The following SATB1 variants were observed in gnomAD, a reference collection of about 807,000 sequenced individuals.
SATB1 encodes DNA-binding protein SATB1.
SATB1 carries 11 observed loss-of-function variants against 86.9 expected under a neutral mutation model. The ratio of observed to expected loss-of-function variants is 0.13; its 90% confidence interval spans 0.08 to 0.21. The LOEUF (loss-of-function observed/expected upper bound fraction) is 0.21. Ranked by LOEUF, SATB1 falls within the 10% of genes least tolerant of loss-of-function variation. The pLI is 1.00. For synonymous variants in SATB1, 357 were observed against 357.2 expected (o/e 1.00, Z 0.01); for missense variants, 551 against 937.6 (o/e 0.59, Z 5.39).
At chr3:18,422,987 C>A (rs1180238919) in intron 1 of SATB1, among the ~76,000 whole-genome samples, 11 of 152,188 alleles carry the variant, frequency 7.2e-5, no homozygotes, top group African/African-American at 2.4e-4. Flanking sequence ...AACACTAAGT[C>A]GTGGTGTAAA....
rs1698535800 is a variant in SATB1, at chr3:18,424,123, A to C, written c.-521T>G. 6.8e-6 allele frequency: 1 copy of C among 146,114 alleles called. No homozygotes were observed. The highest frequency in any genetic ancestry group is 1.5e-5 in the Non-Finnish European group (1 of 66,228). 9.1% of individuals were successfully genotyped at this position (146,114 alleles called of 1,614,324 possible). On this transcript the variant is annotated 5_prime_UTR_variant, in exon 1 of 11. Transcript: ENST00000338745. ...GACGTGGTGACTGAGGATTCTCTTA[A>C]AAAAAAAAAAATCACTGCGGACAAG...
intron 9 of SATB1, among the ~76,000 whole-genome samples, chr3:18,369,173 A>G (rs974886655): frequency 6.7e-5 from 10 of 148,870 alleles, no homozygotes; most frequent in African/African-American, 2.0e-4. Flanking sequence ...AAAAAAAAAA[A>G]AAAGAAAGAA....
rs1292238716 is a variant in SATB1, at chr3:18,386,731, C to T, written c.1207-120G>A. On this transcript the variant is annotated intron_variant, in intron 7 of 10. Coordinates refer to ENST00000338745, the MANE Select transcript of SATB1 (RefSeq NM_002971.6). This position sits in a 1 kb window ranked among gnomAD's most constrained non-coding sequence, Gnocchi z 4.5. ...TGAACAGTCAGAGGCATTAATTCTG[C>T]ATAGGAATATATTAGTTACAACTGA... The T allele has an allele frequency of 4.1e-6, 3 of 727,576 alleles. No homozygotes were observed. Among genetic ancestry groups the T allele is most frequent in the Non-Finnish European group, 6.9e-6 (3 of 432,268 alleles). 45.1% of individuals were successfully genotyped at this position (727,576 alleles called of 1,614,324 possible). A position where few individuals can be genotyped will look rare whatever the true frequency, so the allele number is the denominator to read the frequency against.
intron 9 of SATB1, 57 bp downstream of exon 9, chr3:18,378,113 T>C: frequency 6.9e-7 from 1 of 1,440,842 alleles, no homozygotes; most frequent in African/African-American, 1.5e-5. Flanking sequence ...CTCCTTTTAA[T>C]GAAAATTCTA....
chr3:18,357,109 A>G (rs1025837288), intron 9 of SATB1, among the ~76,000 whole-genome samples: 3 of 151,880 alleles, frequency 2.0e-5, no homozygotes, highest in African/African-American at 7.2e-5. Flanking sequence ...TTTGAGTTCT[A>G]AAAAGCAAAA....
At chr3:18,422,011 T>C (rs913627505) in intron 1 of SATB1, among the ~76,000 whole-genome samples, 1 of 152,264 alleles carries the variant, frequency 6.6e-6, no homozygotes, top group South Asian at 2.1e-4. Flanking sequence ...TTTCCCATCA[T>C]TTATAGTAAA....
chr3:18,389,176 T>C (rs377040949), intron 7 of SATB1, among the ~76,000 whole-genome samples: 2 of 151,522 alleles, frequency 1.3e-5, no homozygotes, highest in African/African-American at 4.9e-5. Flanking sequence ...GTTGATGGTA[T>C]AAAGTGATGT....
At chr3:18,385,256 T>C (rs1464261023) in intron 8 of SATB1, among the ~76,000 whole-genome samples, 1 of 152,208 alleles carries the variant, frequency 6.6e-6, no homozygotes, top group Admixed American at 6.5e-5. Context: ...TTTTCTTCCA[T>C]GTTCAATTTT....
At chr3:18,370,887 G>C (rs954235709) in intron 9 of SATB1, among the ~76,000 whole-genome samples, 4 of 152,198 alleles carry the variant, frequency 2.6e-5, no homozygotes, top group African/African-American at 2.4e-5. Context: ...GTCGATACTC[G>C]ACAGTTCAGC....
At chr3:18,378,363 G>A (rs374277340) in intron 8 of SATB1, 38 bp from the exon 9 acceptor site, 5 of 1,602,936 alleles carry the variant, frequency 3.1e-6, no homozygotes, top group Non-Finnish European at 3.4e-6. Flanking sequence ...ATTTTTCATT[G>A]GCTGAATTGT....
At chr3:18,416,498 T>C (rs554809050) in intron 3 of SATB1, among the ~76,000 whole-genome samples, 7 of 152,224 alleles carry the variant, frequency 4.6e-5, no homozygotes, top group East Asian at 3.9e-4. Context: ...GGAATCAGCA[T>C]TGAAAAATAC....
rs1344385073 is a variant in SATB1, at chr3:18,386,543, G to A, written c.1275C>T (p.Asn425=). ...GCAAGAAATTCTGCATAGCCCGAAG[G>A]TTTACCAGCAAAGACTGGGATGCAG... The part of the protein sequence containing the change: ...PKTASQSLLV[N]LRAMQNFLQL... Residue 425 remains asparagine, a synonymous_variant, in exon 8 of 11, where the codon AAC becomes AAT. Coordinates refer to ENST00000338745, the MANE Select transcript of SATB1 (RefSeq NM_002971.6). The surrounding 1 kb of genome is among the most constrained non-coding windows in gnomAD (Gnocchi z 4.5). 5 of 1,614,096 alleles carry A rather than the reference G, an allele frequency of 3.1e-6. No homozygotes were observed. The highest frequency in any genetic ancestry group is 2.2e-5 in the East Asian group (1 of 44,864).
In SATB1 at chr3:18,374,011, G is replaced by A. The variant is rs186628920; in HGVS notation, c.1575+4159C>T. On this transcript the variant is annotated intron_variant, in intron 9 of 10. Coordinates refer to ENST00000338745, the MANE Select transcript of SATB1 (RefSeq NM_002971.6). ...AAATACATTGTTCAATAAAACACTA[G>A]AGGAAATTATTTTCTAAGCACAAGT... 2.0e-5 allele frequency among the ~76,000 whole-genome samples: 3 copies of A among 152,240 alleles called. No individual in the cohort carries two copies. The East Asian group carries it at 5.8e-4, about 29-fold the overall frequency.
chr3:18,418,582 C>T (rs1347854033), intron 2 of SATB1, among the ~76,000 whole-genome samples: 6 of 152,160 alleles, frequency 3.9e-5, no homozygotes, highest in Non-Finnish European at 1.5e-5. Context: ...GATCAGAAGA[C>T]AACTTGGGGA....
chr3:18,386,559 T>G lies in SATB1; in HGVS notation c.1259A>C (p.Gln420Pro), dbSNP rs1291314034. ...AGCCCGAAGGTTTACCAGCAAAGACTGGGATGCAGTCTTGGGGTCCTCTTC... is the reference window on the plus strand; with the variant it reads ...AGCCCGAAGGTTTACCAGCAAAGACGGGGATGCAGTCTTGGGGTCCTCTTC... The part of the protein sequence containing the change: ...RKEEDPKTAS[Q>P]SLLVNLRAMQ... Residue 420 changes from glutamine to proline, a missense_variant, in exon 8 of 11, where the codon CAG becomes CCG. By Grantham distance (76) the Gln-to-Pro change is moderately conservative (BLOSUM62 -1). Transcript: ENST00000338745. The surrounding 1 kb of genome is among the most constrained non-coding windows in gnomAD (Gnocchi z 4.5). 1 of 1,614,110 alleles carries G rather than the reference T, an allele frequency of 6.2e-7. No homozygotes were observed.
intron 5 of SATB1, among the ~76,000 whole-genome samples, chr3:18,402,325 G>A (rs1057466522): frequency 3.3e-5 from 5 of 151,916 alleles, no homozygotes; most frequent in Non-Finnish European, 7.4e-5. Flanking sequence ...GCTTTGTTGT[G>A]TCTTTAACAA....
chr3:18,432,857 G>A (rs1462699931), intron 2 of SATB1, among the ~76,000 whole-genome samples: 1 of 150,824 alleles, frequency 6.6e-6, no homozygotes, highest in African/African-American at 2.4e-5. Context: ...AGTATTGGCA[G>A]ATATATAATA....
Position 18,410,524 on chromosome 3 carries a change from G to A in SATB1, c.639+4587C>T, listed in dbSNP as rs150371722. 1.5e-3 allele frequency among the ~76,000 whole-genome samples: 226 copies of A among 152,036 alleles called. 1 individual carries two copies. Among genetic ancestry groups the A allele is most frequent in the African/African-American group, 5.3e-3 (221 of 41,494 alleles). ...TATATCCTACTTAGGGGGACCAAAGGCGCTCTCGATACATCAAAAGCACTA... is the reference window on the plus strand; with the variant it reads ...TATATCCTACTTAGGGGGACCAAAGACGCTCTCGATACATCAAAAGCACTA... On this transcript the variant is annotated intron_variant, in intron 5 of 10. Coordinates refer to ENST00000338745, the MANE Select transcript of SATB1 (RefSeq NM_002971.6).
At chr3:18,425,458 A>G, upstream of SATB1, 1 of 119,640 alleles carries the variant, frequency 8.4e-6, no homozygotes, top group African/African-American at 3.2e-5. Flanking sequence ...CGGAAAAGGG[A>G]TGGGGATTAA....
Sources: allele counts gnomAD v4.1 joint callset (sites outside exome capture counted in the v4.1 genomes callset), GRCh38; gene constraint gnomAD v4.1.1; non-coding constraint Gnocchi (gnomAD v3.1); transcripts MANE v1.5; gene names NCBI Gene and HGNC (gene_info 2026-07-23, HGNC 2026-07-21).